COL19A1: variants seen among roughly 807,000 people sequenced by gnomAD.
COL19A1 encodes collagen alpha-1(XIX) chain.
Under a neutral mutation model 190.2 loss-of-function variants are expected in COL19A1, and 159 were observed. The ratio of observed to expected loss-of-function variants is 0.84; its 90% CI spans 0.73 to 0.95. The LOEUF (loss-of-function observed/expected upper bound fraction) is 0.95. COL19A1 is among the 40% of genes least tolerant of loss of function. The pLI is 0.00. For missense variants in COL19A1, 1,418 were observed against 1,431.9 expected, an observed-to-expected ratio of 0.99 and a Z score of 0.16; for synonymous variants, 509 against 458.9, an observed-to-expected ratio of 1.11 and a Z score of -1.39.
intron 18 of COL19A1, among the ~76,000 whole-genome samples, chr6:70,131,610 G>T (rs549134866): frequency 6.6e-6 from 1 of 152,054 alleles, no homozygotes; most frequent in Non-Finnish European, 1.5e-5. Flanking sequence ...GAAACCATAC[G>T]CCACCATAAC....
intron 14 of COL19A1, among the ~76,000 whole-genome samples, chr6:70,061,256 T>C (rs1780812417): frequency 6.6e-6 from 1 of 152,172 alleles, no homozygotes; most frequent in South Asian, 2.1e-4. Flanking sequence ...CAATTTCAAC[T>C]AATGTTCAAT....
chr6:70,180,055 G>A (rs754764807), intron 42 of COL19A1, among the ~76,000 whole-genome samples: 9 of 151,982 alleles, frequency 5.9e-5, no homozygotes, highest in Non-Finnish European at 1.2e-4. Context: ...GGTAATTTTT[G>A]TATTATTTTT....
intron 9 of COL19A1, among the ~76,000 whole-genome samples, chr6:69,943,134 C>T (rs1409664666): frequency 6.6e-6 from 1 of 151,918 alleles, no homozygotes; most frequent in Non-Finnish European, 1.5e-5. Flanking sequence ...CAATTTGCTC[C>T]TCCCTCATGA....
intron 1 of COL19A1, among the ~76,000 whole-genome samples, chr6:69,873,302 C>T (rs370020868): frequency 3.4e-4 from 52 of 151,972 alleles, no homozygotes; most frequent in African/African-American, 1.2e-3. Flanking sequence ...CAGACCCTGT[C>T]GTTGGGTCCA....
chr6:70,136,858 A>G (rs866487224), intron 18 of COL19A1, among the ~76,000 whole-genome samples: 3 of 152,264 alleles, frequency 2.0e-5, no homozygotes, highest in Admixed American at 6.5e-5. Context: ...GTAATGGTGA[A>G]CATCATTTTG....
At chr6:69,920,423 G>A (rs1771616573) in intron 4 of COL19A1, among the ~76,000 whole-genome samples, 1 of 152,122 alleles carries the variant, frequency 6.6e-6, no homozygotes, top group African/African-American at 2.4e-5. Flanking sequence ...CTGCAACATT[G>A]AAGTGAATTA....
intron 23 of COL19A1, among the ~76,000 whole-genome samples, chr6:70,143,646 G>A (rs971144317): frequency 6.6e-6 from 1 of 151,534 alleles, no homozygotes; most frequent in African/African-American, 2.4e-5. Flanking sequence ...ATTCTGCTTG[G>A]TACTTTGAAC....
At chr6:69,953,114 G>A (rs1475029801) in intron 9 of COL19A1, among the ~76,000 whole-genome samples, 1 of 151,820 alleles carries the variant, frequency 6.6e-6, no homozygotes, top group African/African-American at 2.4e-5. Flanking sequence ...AGAAATTGAG[G>A]CCATTAAATG....
intron 4 of COL19A1, among the ~76,000 whole-genome samples, chr6:69,900,781 A>G (rs1770137349): frequency 6.6e-6 from 1 of 152,156 alleles, no homozygotes; most frequent in South Asian, 2.1e-4. Flanking sequence ...CATCTTATCT[A>G]TTGTATAGAG....
At chr6:70,203,350 T>C (rs1365595013) in intron 49 of COL19A1, among the ~76,000 whole-genome samples, 1 of 152,160 alleles carries the variant, frequency 6.6e-6, no homozygotes, top group Non-Finnish European at 1.5e-5. Context: ...TGTTCTTACT[T>C]GTGCACTTTT....
At chr6:69,965,431 A>T (rs1004054284) in intron 11 of COL19A1, among the ~76,000 whole-genome samples, 3 of 152,038 alleles carry the variant, frequency 2.0e-5, no homozygotes, top group Non-Finnish European at 4.4e-5. Flanking sequence ...CATTATGGCT[A>T]AAAAAAACTA....
At chr6:70,098,977 G>T (rs1783456393) in intron 15 of COL19A1, among the ~76,000 whole-genome samples, 2 of 145,702 alleles carry the variant, frequency 1.4e-5, no homozygotes, top group African/African-American at 5.1e-5. Context: ...CCAACACTTT[G>T]GGAGGAGGCC....
intron 12 of COL19A1, among the ~76,000 whole-genome samples, chr6:70,032,793 T>C (rs1466461783): frequency 6.6e-6 from 1 of 152,140 alleles, no homozygotes; most frequent in Non-Finnish European, 1.5e-5. Context: ...ACAAGGTATA[T>C]AATAAATGTT....
intron 1 of COL19A1, among the ~76,000 whole-genome samples, chr6:69,867,029 T>C (rs569239918): frequency 1.3e-5 from 2 of 150,758 alleles, no homozygotes; most frequent in South Asian, 2.1e-4. Flanking sequence ...TCAAATACAT[T>C]ACAAAAAAAA....
intron 42 of COL19A1, among the ~76,000 whole-genome samples, chr6:70,178,754 T>C (rs1171322777): frequency 6.6e-6 from 1 of 152,240 alleles, no homozygotes; most frequent in Non-Finnish European, 1.5e-5. Context: ...GACCCAATCC[T>C]GCTCTTCCTA....
At chr6:69,872,136 TTTTG>T (rs1449404047) in intron 1 of COL19A1, among the ~76,000 whole-genome samples, 1 of 149,514 alleles carries the variant, frequency 6.7e-6, no homozygotes, top group Non-Finnish European at 1.5e-5. Flanking sequence ...ATTCTTTGTT[TTTTG>T]TTTGTTTTTT....
At chr6:69,959,965 T>C (rs753151679) in intron 9 of COL19A1, 31 bp from the exon 10 acceptor site, 1 of 1,600,466 alleles carries the variant, frequency 6.2e-7, no homozygotes, top group African/African-American at 1.3e-5. Flanking sequence ...TCTTTATGGA[T>C]CATAAACATT....
intron 6 of COL19A1, among the ~76,000 whole-genome samples, chr6:69,930,489 A>G (rs1772685451): frequency 1.3e-5 from 2 of 152,138 alleles, no homozygotes; most frequent in Admixed American, 6.6e-5. Flanking sequence ...TGAGTGTTCT[A>G]TGTCCTGTGT....
chr6:69,913,097 A>C (rs923320587), intron 4 of COL19A1, among the ~76,000 whole-genome samples: 2 of 152,118 alleles, frequency 1.3e-5, no homozygotes, highest in Admixed American at 6.5e-5. Context: ...TCAAAAAATT[A>C]AAAAATAAAA....
Sources: allele counts gnomAD v4.1 joint callset (sites outside exome capture counted in the v4.1 genomes callset), GRCh38; gene constraint gnomAD v4.1.1; transcripts MANE v1.5; gene names NCBI Gene and HGNC (gene_info 2026-07-23, HGNC 2026-07-21).